The following SLC7A7 variants were observed in gnomAD, a reference collection of about 807,000 sequenced individuals.
The protein encoded by SLC7A7 is Y+L amino acid transporter 1.
A neutral mutation model predicts 47.9 loss-of-function variants in SLC7A7; 39 were observed. The observed-to-expected ratio is 0.81, with a 90% CI of 0.63 to 1.06. The LOEUF (loss-of-function observed/expected upper bound fraction) is 1.06, where lower values mean the gene tolerates loss of function less well. SLC7A7 is among the 50% of genes least tolerant of loss of function. SLC7A7 has a pLI of 0.00. For missense variants in SLC7A7, 588 were observed against 632.0 expected (o/e 0.93, Z 0.75); for synonymous variants, 234 against 242.8 (o/e 0.96, Z 0.34).
intron 2 of SLC7A7, among the ~76,000 whole-genome samples, chr14:22,789,948 A>T (rs1277075487): frequency 6.6e-6 from 1 of 152,156 alleles, no homozygotes; most frequent in African/African-American, 2.4e-5. Flanking sequence ...CCCATTTCAG[A>T]CTTCTGACCT....
Position 22,773,962 on chromosome 14 carries a change from T to A in SLC7A7, c.1400A>T (p.Lys467Met), listed in dbSNP as rs199522527. The change falls in exon 9 of 10, where the codon AAG (lysine) becomes ATG (methionine). Residue 467 changes from lysine to methionine, a missense_variant. Coordinates refer to ENST00000674313, the MANE Select transcript of SLC7A7 (RefSeq NM_003982.4). Reference protein sequence around the residue: ...YFLIIRVPEHKRPLYLRRIVG... With the variant: ...YFLIIRVPEHMRPLYLRRIVG... Reference sequence around the variant, plus strand: ...GATCCTTCGGAGGTAAAGCGGTCGCTTATGTTCTGGCACTCTGATGATGAG... The same window carrying A: ...GATCCTTCGGAGGTAAAGCGGTCGCATATGTTCTGGCACTCTGATGATGAG... 3.1e-4 allele frequency: 506 copies of A among 1,609,696 alleles called. 2 individuals are homozygous for A. The highest frequency in any genetic ancestry group is 3.4e-4 in the Non-Finnish European group (401 of 1,177,806).
intron 3 of SLC7A7, among the ~76,000 whole-genome samples, chr14:22,779,416 T>G (rs968544640): frequency 6.6e-6 from 1 of 151,862 alleles, no homozygotes; most frequent in African/African-American, 2.4e-5. Flanking sequence ...TTTCAACTCC[T>G]CTACTTACCG....
At chr14:22,783,474 C>G (rs1229763065) in intron 2 of SLC7A7, among the ~76,000 whole-genome samples, 1 of 151,406 alleles carries the variant, frequency 6.6e-6, no homozygotes, top group Non-Finnish European at 1.5e-5. Flanking sequence ...GATCTCAGCT[C>G]ACTGCAACCT....
chr14:22,814,266 C>A (rs1401549669), intron 1 of SLC7A7, among the ~76,000 whole-genome samples: 1 of 151,390 alleles, frequency 6.6e-6, no homozygotes, highest in Non-Finnish European at 1.5e-5. Flanking sequence ...GGCAGATCAC[C>A]TAAAGTCGGG....
intron 2 of SLC7A7, among the ~76,000 whole-genome samples, chr14:22,795,736 G>A (rs1351227446): frequency 1.3e-5 from 2 of 150,870 alleles, no homozygotes; most frequent in Non-Finnish European, 3.0e-5. Context: ...GCCTCCCAAA[G>A]TGCTGGGATT....
intron 2 of SLC7A7, among the ~76,000 whole-genome samples, chr14:22,808,591 G>A (rs2039251130): frequency 6.6e-6 from 1 of 151,902 alleles, no homozygotes; most frequent in Admixed American, 6.6e-5. Flanking sequence ...CAGATAGCTT[G>A]AGCCCAGGAG....
At chr14:22,806,187 CTTTTTTT>C (rs77783824) in intron 2 of SLC7A7, among the ~76,000 whole-genome samples, 13 of 78,294 alleles carry the variant, frequency 1.7e-4, no homozygotes, top group South Asian at 1.1e-3. Context: ...ACATCAATCT[CTTTTTTT>C]TTTTTTTTTT....
intron 2 of SLC7A7, among the ~76,000 whole-genome samples, chr14:22,802,328 G>T (rs143765976): frequency 6.6e-6 from 1 of 152,032 alleles, no homozygotes; most frequent in Non-Finnish European, 1.5e-5. Flanking sequence ...CCTTGAACCC[G>T]GGAGGCAGAG....
intron 2 of SLC7A7, among the ~76,000 whole-genome samples, chr14:22,797,401 T>TTCAC (rs1258796986): frequency 6.6e-6 from 1 of 152,194 alleles, no homozygotes; most frequent in African/African-American, 2.4e-5. Context: ...TCAGAATTCC[T>TTCAC]TCACTCACTC....
intron 3 of SLC7A7, among the ~76,000 whole-genome samples, chr14:22,779,181 C>T (rs2038671115): frequency 6.6e-6 from 1 of 152,172 alleles, no homozygotes; most frequent in Admixed American, 6.6e-5. Flanking sequence ...TCCAGGGTAG[C>T]TTTCTAGGAT....
At position 22,775,850 on chromosome 14, in the gene SLC7A7, G is replaced by A. The variant is rs139335972; in HGVS notation, c.981C>T (p.Ser327=). The A allele has an allele frequency of 1.6e-5, 26 of 1,613,640 alleles. No homozygotes were observed. The highest frequency in any genetic ancestry group is 2.0e-5 in the Non-Finnish European group (24 of 1,179,686). Residue 327 remains serine (S), a synonymous_variant, in exon 6 of 10, where the codon TCC becomes TCT. Coordinates refer to ENST00000674313, the MANE Select transcript of SLC7A7 (RefSeq NM_003982.4). ...ACTCTTACCTAGAAGCAGCCACAAT[G>A]GAGGCATTGAGGCCACCAAAACAGG... is the stretch of plus-strand genomic sequence containing the variant. The part of the protein sequence containing the change: ...ALSCFGGLNA[S]IVAASRLFFV...
chr14:22,810,974 G>A (rs144035753), intron 2 of SLC7A7, among the ~76,000 whole-genome samples: 54 of 151,822 alleles, frequency 3.6e-4, no homozygotes, highest in East Asian at 1.2e-3. Flanking sequence ...GTGAAACTCC[G>A]TCTCGGAAAA....
intron 2 of SLC7A7, among the ~76,000 whole-genome samples, chr14:22,801,317 C>G (rs1003795738): frequency 6.6e-6 from 1 of 152,120 alleles, no homozygotes; most frequent in Non-Finnish European, 1.5e-5. Flanking sequence ...TTCATACATT[C>G]TGTTCTTGCT....
At chr14:22,775,092 G>GACACAC (rs60658611) in intron 7 of SLC7A7, among the ~76,000 whole-genome samples, 30,111 of 151,530 alleles carry the variant, frequency 0.2, 3,233 homozygotes, top group East Asian at 0.4. Flanking sequence ...TGGATTTTAA[G>GACACAC]ACACACACAC....
Position 22,811,589 on chromosome 14 carries a change from C to T in SLC7A7, c.499+1311G>A, listed in dbSNP as rs1206090571. On this transcript the variant is annotated intron_variant, in intron 2 of 9. Coordinates refer to ENST00000674313, the MANE Select transcript of SLC7A7 (RefSeq NM_003982.4). ...CAGAGGCCGGGTGCAGTGGCTCACG[C>T]CTGTGATCCCAACACTTTGGGAAGC... 9.9e-5 allele frequency among the ~76,000 whole-genome samples: 15 copies of T among 152,180 alleles called. No homozygotes were observed. In the East Asian group the frequency reaches 2.7e-3, roughly 27 times the overall value.
chr14:22,806,936 C>G (rs189760835), intron 2 of SLC7A7, among the ~76,000 whole-genome samples: 1 of 136,270 alleles, frequency 7.3e-6, no homozygotes, highest in Non-Finnish European at 1.5e-5. Context: ...CTCGCTCTGT[C>G]GCCCAGGCTA....
rs542941033 is a variant in SLC7A7 at position 22,806,938 on chromosome 14, C to G, written c.499+5962G>C. 5.4e-5 allele frequency among the ~76,000 whole-genome samples: 8 copies of G among 148,428 alleles called. No individual in the cohort carries two copies. The South Asian group carries it at 1.7e-3, about 32-fold the overall frequency. ...TTTGAGACGGAGTCTCGCTCTGTCG[C>G]CCAGGCTAGAGTGCAGTGGCGCGAT... On this transcript the variant is annotated intron_variant, in intron 2 of 9. Transcript: ENST00000674313.
chr14:22,781,125 AG>A (rs1224779501), intron 2 of SLC7A7, among the ~76,000 whole-genome samples: 1 of 151,976 alleles, frequency 6.6e-6, no homozygotes, highest in Non-Finnish European at 1.5e-5. Flanking sequence ...TTAACTTTAA[AG>A]CCCTTCTCCC....
chr14:22,781,950 C>A (rs980517401), intron 2 of SLC7A7, among the ~76,000 whole-genome samples: 23 of 152,220 alleles, frequency 1.5e-4, no homozygotes, highest in Admixed American at 1.1e-3. Context: ...CTAGTTCAGA[C>A]TCAGAGTCTG....
Sources: gnomAD v4.1 joint callset for allele counts (sites outside exome capture counted in the v4.1 genomes callset) on GRCh38, gnomAD v4.1.1 for gene constraint, MANE v1.5 for transcripts, NCBI Gene and HGNC (gene_info 2026-07-23, HGNC 2026-07-21) for gene names.